The following MAP3K3 variants were observed in gnomAD, a reference collection of about 807,000 sequenced individuals.
The protein encoded by MAP3K3 is MAP/ERK kinase kinase 3.
In MAP3K3, 12 loss-of-function variants were observed where a neutral mutation model predicts 80.9. The observed-to-expected ratio is 0.15, with a 90% CI of 0.10 to 0.24. The LOEUF (loss-of-function observed/expected upper bound fraction) is 0.24. MAP3K3 is among the 10% of genes least tolerant of loss of function. MAP3K3 has a pLI of 1.00. For missense variants in MAP3K3, 596 were observed against 834.7 expected, an observed-to-expected ratio of 0.71 and a Z score of 3.52; for synonymous variants, 272 against 307.1, an observed-to-expected ratio of 0.89 and a Z score of 1.19.
intron 7 of MAP3K3, among the ~76,000 whole-genome samples, chr17:63,684,794 A>G (rs2035413765): frequency 6.6e-6 from 1 of 152,172 alleles, no homozygotes. Flanking sequence ...TCTGGCCCCT[A>G]TGTAATGTTT....
In MAP3K3 at chr17:63,690,473, C is replaced by T. The variant is rs1326916733; in HGVS notation, c.1212+61C>T. The T allele has an allele frequency of 1.9e-6, 3 of 1,565,654 alleles. No homozygotes were observed. The Admixed American group carries it at 5.2e-5, about 27-fold the overall frequency. The stretch of plus-strand genomic sequence containing the variant: ...CTTTCAACAAAAATGCCTGTCTTAC[C>T]ACACAGAGTAGTTGCCTGAGATGCT... On this transcript the variant is annotated intron_variant, in intron 12 of 15. Coordinates refer to ENST00000361733, the MANE Select transcript of MAP3K3 (RefSeq NM_002401.5).
In MAP3K3 at chr17:63,691,135, C is replaced by T; in HGVS notation, c.1246C>T (p.Leu416=). The T allele has an allele frequency of 6.2e-7, 1 of 1,614,206 alleles. No homozygotes were observed. Among genetic ancestry groups the T allele is most frequent in the Admixed American group, 1.7e-5 (1 of 60,030 alleles). ...TGCTCTGGAGTGCGAGATCCAGTTG[C>T]TAAAGAACTTGCAGCATGAGCGCAT... ...VSALECEIQL[L]KNLQHERIVQ... is the part of the protein sequence containing the mutation. Residue 416 remains leucine, a synonymous_variant, in exon 13 of 16, where the codon CTA becomes TTA. Coordinates refer to ENST00000361733, the MANE Select transcript of MAP3K3 (RefSeq NM_002401.5). This position sits in a 1 kb window ranked among gnomAD's most constrained non-coding sequence, Gnocchi z 4.8.
chr17:63,653,474 C>G (rs570229520), intron 4 of MAP3K3, among the ~76,000 whole-genome samples: 4 of 152,206 alleles, frequency 2.6e-5, no homozygotes, highest in Non-Finnish European at 4.4e-5. Context: ...AAAGACTTTT[C>G]TGAATCATTT....
intron 5 of MAP3K3, among the ~76,000 whole-genome samples, chr17:63,665,126 A>G (rs1376104532): frequency 6.6e-6 from 1 of 152,022 alleles, no homozygotes; most frequent in Non-Finnish European, 1.5e-5. Context: ...AACATGGAGA[A>G]ACCCCATCTC....
intron 6 of MAP3K3, among the ~76,000 whole-genome samples, chr17:63,679,859 T>C (rs1481248307): frequency 6.6e-6 from 1 of 152,206 alleles, no homozygotes; most frequent in Non-Finnish European, 1.5e-5. Context: ...TAAAACTGTG[T>C]ATCTCAGATT....
intron 2 of MAP3K3, among the ~76,000 whole-genome samples, chr17:63,642,344 C>T (rs2034459269): frequency 6.6e-6 from 1 of 152,104 alleles, no homozygotes; most frequent in Non-Finnish European, 1.5e-5. Context: ...GAGGAGATTC[C>T]TTCATTAGTA....
At chr17:63,642,072 A>T (rs2034454437) in intron 2 of MAP3K3, among the ~76,000 whole-genome samples, 3 of 152,180 alleles carry the variant, frequency 2.0e-5, no homozygotes, top group African/African-American at 7.2e-5. Flanking sequence ...GGTCAACCTG[A>T]TGGGTGAAAT....
intron 3 of MAP3K3, among the ~76,000 whole-genome samples, chr17:63,648,079 A>G (rs1241277621): frequency 6.6e-6 from 1 of 152,236 alleles, no homozygotes; most frequent in African/African-American, 2.4e-5. Flanking sequence ...TGTTAATGAC[A>G]CACTGATGGG....
intron 2 of MAP3K3, chr17:63,637,170 A>G (rs2034345395): frequency 7.5e-6 from 2 of 267,768 alleles, no homozygotes; most frequent in Non-Finnish European, 1.4e-5. Flanking sequence ...AGGCCCTGCC[A>G]CTATTAAAAA....
chr17:63,645,887 A>G (rs1210625487), intron 2 of MAP3K3, 147 bp from the exon 3 acceptor site: 2 of 667,534 alleles, frequency 3.0e-6, no homozygotes, highest in African/African-American at 1.8e-5. Context: ...AGGAATGCCC[A>G]TGCCCATCTG....
chr17:63,673,144 A>G (rs887609124), intron 6 of MAP3K3, among the ~76,000 whole-genome samples: 3 of 152,220 alleles, frequency 2.0e-5, no homozygotes, highest in Non-Finnish European at 4.4e-5. Flanking sequence ...ATCAAATTCC[A>G]GACATGTATA....
intron 2 of MAP3K3, chr17:63,634,655 C>A: frequency 1.4e-6 from 2 of 1,442,478 alleles, no homozygotes; most frequent in Non-Finnish European, 1.9e-6. Flanking sequence ...TGTTGTCAAA[C>A]TTATGTTGCA....
rs780677885 is a variant in MAP3K3, at chr17:63,693,788, C to G, written c.*11C>G. The stretch of plus-strand genomic sequence containing the variant: ...CAGCTCATGTACTGAGCTCTCACGG[C>G]CACACAGCTGCCGGTCGCCCTTTGC... On this transcript the variant is annotated 3_prime_UTR_variant, in exon 16 of 16. Coordinates refer to ENST00000361733, the MANE Select transcript of MAP3K3 (RefSeq NM_002401.5). This position sits in a 1 kb window ranked among gnomAD's most constrained non-coding sequence, Gnocchi z 4.2. The G allele has an allele frequency of 8.2e-6, 13 of 1,589,704 alleles. No individual in the cohort carries two copies. The highest frequency in any genetic ancestry group is 8.6e-6 in the Non-Finnish European group (10 of 1,168,478).
intron 2 of MAP3K3, among the ~76,000 whole-genome samples, chr17:63,638,129 T>C: frequency 6.6e-6 from 1 of 152,334 alleles, no homozygotes; most frequent in Non-Finnish European, 1.5e-5. Flanking sequence ...AGCCTGGCAT[T>C]ATATTTTGTA....
chr17:63,654,648 G>A (rs2034727250), intron 4 of MAP3K3, among the ~76,000 whole-genome samples: 1 of 152,160 alleles, frequency 6.6e-6, no homozygotes, highest in Non-Finnish European at 1.5e-5. Flanking sequence ...TTTCTATAAT[G>A]GTTGCACAAT....
At chr17:63,659,103 C>T (rs1214589721) in intron 5 of MAP3K3, among the ~76,000 whole-genome samples, 1 of 152,082 alleles carries the variant, frequency 6.6e-6, no homozygotes, top group African/African-American at 2.4e-5. Context: ...AATTCCTGAG[C>T]TCAAATGATC....
At chr17:63,661,902 GACCATCCTGGCTAAC>G (rs1188399358) in intron 5 of MAP3K3, among the ~76,000 whole-genome samples, 1 of 152,032 alleles carries the variant, frequency 6.6e-6, no homozygotes, top group East Asian at 1.9e-4. Flanking sequence ...AGGAGATGGA[GACCATCCTGGCTAAC>G]ACGTGAAACC....
At chr17:63,683,834 G>GGC (rs2035390941) in intron 7 of MAP3K3, among the ~76,000 whole-genome samples, 2 of 152,152 alleles carry the variant, frequency 1.3e-5, no homozygotes, top group Admixed American at 1.3e-4. Context: ...CATGATTCAT[G>GGC]TTAATTTTTT....
At chr17:63,638,012 T>C (rs2034366262) in intron 2 of MAP3K3, among the ~76,000 whole-genome samples, 3 of 152,318 alleles carry the variant, frequency 2.0e-5, no homozygotes, top group Middle Eastern at 3.4e-3. Flanking sequence ...AGACTGTCTT[T>C]TGCTTTCAGT....
Sources: gnomAD v4.1 joint callset for allele counts (sites outside exome capture counted in the v4.1 genomes callset) on GRCh38, gnomAD v4.1.1 for gene constraint, Gnocchi (gnomAD v3.1) non-coding constraint, MANE v1.5 for transcripts, NCBI Gene and HGNC (gene_info 2026-07-23, HGNC 2026-07-21) for gene names.